The following SPAG16 variants were observed in gnomAD, a reference collection of about 807,000 sequenced individuals.
The protein encoded by SPAG16 is sperm associated antigen 16.
SPAG16 carries 86 observed loss-of-function variants against 80.4 expected under a neutral mutation model. That is an observed-to-expected ratio of 1.07 (90% CI 0.90 to 1.28). SPAG16 has a LOEUF of 1.28. Among genes scored for constraint, SPAG16 ranks in the 50% most tolerant of loss-of-function variants. The pLI, the probability that SPAG16 is intolerant of heterozygous loss-of-function variation, is 0.00. For synonymous variants in SPAG16, 294 were observed against 265.9 expected (o/e 1.11, Z -1.03); for missense variants, 870 against 765.3 (o/e 1.14, Z -1.61).
chr2:213,809,598 A>G (rs1205029706), intron 10 of SPAG16, among the ~76,000 whole-genome samples: 1 of 152,168 alleles, frequency 6.6e-6, no homozygotes, highest in Non-Finnish European at 1.5e-5. Context: ...AATTTTCCCA[A>G]TGAAAACAAG....
At chr2:213,989,778 T>C (rs2046190391) in intron 12 of SPAG16, among the ~76,000 whole-genome samples, 1 of 152,172 alleles carries the variant, frequency 6.6e-6, no homozygotes, top group Non-Finnish European at 1.5e-5. Flanking sequence ...ATCTTGATTA[T>C]ACATAAATAT....
intron 15 of SPAG16, among the ~76,000 whole-genome samples, chr2:214,152,653 A>C (rs1352314306): frequency 6.6e-6 from 1 of 152,094 alleles, no homozygotes; most frequent in Admixed American, 6.5e-5. Context: ...GACCACTACC[A>C]CCAATGCGCG....
intron 3 of SPAG16, among the ~76,000 whole-genome samples, chr2:213,298,293 AG>A (rs967604954): frequency 2.0e-5 from 3 of 152,226 alleles, no homozygotes; most frequent in Non-Finnish European, 2.9e-5. Flanking sequence ...TCTTCTTGGT[AG>A]ACACAAAGTG....
At chr2:214,160,800 A>G (rs1365978768) in intron 15 of SPAG16, among the ~76,000 whole-genome samples, 7 of 152,070 alleles carry the variant, frequency 4.6e-5, no homozygotes. Context: ...ATATATGCCT[A>G]TCAATTTAAT....
chr2:213,632,564 G>T (rs1041691706), intron 10 of SPAG16, among the ~76,000 whole-genome samples: 1 of 152,086 alleles, frequency 6.6e-6, no homozygotes, highest in Non-Finnish European at 1.5e-5. Flanking sequence ...TAGAGGAAAA[G>T]CTTTCAGTTT....
At chr2:213,644,913 C>A (rs562863335) in intron 10 of SPAG16, among the ~76,000 whole-genome samples, 94 of 152,300 alleles carry the variant, frequency 6.2e-4, no homozygotes, top group African/African-American at 2.3e-3. Context: ...GGGGGCAAAA[C>A]CAGCCAGGCC....
chr2:214,202,365 G>C (rs1331622050), intron 15 of SPAG16, among the ~76,000 whole-genome samples: 1 of 152,158 alleles, frequency 6.6e-6, no homozygotes, highest in Non-Finnish European at 1.5e-5. Context: ...TGAGCAACAT[G>C]GGAGGGTTGC....
chr2:214,190,175 G>T (rs573502664), intron 15 of SPAG16, among the ~76,000 whole-genome samples: 11 of 152,062 alleles, frequency 7.2e-5, no homozygotes, highest in African/African-American at 2.4e-4. Flanking sequence ...CACGTCTTTC[G>T]TCTGTGTCTG....
intron 12 of SPAG16, among the ~76,000 whole-genome samples, chr2:213,957,630 CTA>C (rs889167826): frequency 2.6e-5 from 4 of 152,044 alleles, no homozygotes; most frequent in African/African-American, 9.7e-5. Flanking sequence ...TGTTTTATTG[CTA>C]TTTCTTTTCC....
chr2:213,359,711 C>T (rs1177093914), intron 7 of SPAG16, among the ~76,000 whole-genome samples: 1 of 152,088 alleles, frequency 6.6e-6, no homozygotes, highest in African/African-American at 2.4e-5. Context: ...AAGGCAAATC[C>T]CCCAACCCCT....
At chr2:213,967,216 AT>A (rs1284770224) in intron 12 of SPAG16, among the ~76,000 whole-genome samples, 1 of 152,184 alleles carries the variant, frequency 6.6e-6, no homozygotes, top group Admixed American at 6.5e-5. Context: ...TCCTACCACT[AT>A]TTCACCTTAA....
intron 10 of SPAG16, among the ~76,000 whole-genome samples, chr2:213,751,993 A>C (rs1243434700): frequency 2.0e-5 from 3 of 152,218 alleles, no homozygotes; most frequent in African/African-American, 7.2e-5. Context: ...AAACCGAAAA[A>C]GTAAAGGTGA....
intron 10 of SPAG16, among the ~76,000 whole-genome samples, chr2:213,706,636 G>A (rs1271108128): frequency 6.6e-6 from 1 of 152,100 alleles, no homozygotes; most frequent in Non-Finnish European, 1.5e-5. Flanking sequence ...ATTGGATCAC[G>A]GCACTCCCTA....
intron 10 of SPAG16, among the ~76,000 whole-genome samples, chr2:213,855,059 A>T (rs1339792267): frequency 2.0e-5 from 3 of 152,226 alleles, no homozygotes; most frequent in Non-Finnish European, 2.9e-5. Flanking sequence ...TCTGCTTTAG[A>T]CCATGAGTGT....
chr2:213,705,049 G>A (rs1006720142), intron 10 of SPAG16, among the ~76,000 whole-genome samples: 8 of 152,128 alleles, frequency 5.3e-5, no homozygotes, highest in South Asian at 2.1e-4. Flanking sequence ...TCAGGAGATC[G>A]AGACCATCCT....
intron 10 of SPAG16, among the ~76,000 whole-genome samples, chr2:213,670,293 G>A (rs887819610): frequency 6.6e-6 from 1 of 152,130 alleles, no homozygotes; most frequent in Admixed American, 6.6e-5. Flanking sequence ...ACCGCGCCAG[G>A]CCAAGCATGT....
At chr2:213,546,463 G>C (rs925665566) in intron 10 of SPAG16, among the ~76,000 whole-genome samples, 1 of 152,040 alleles carries the variant, frequency 6.6e-6, no homozygotes, top group Non-Finnish European at 1.5e-5. Context: ...AACACAGAAA[G>C]AATTTCATAA....
At chr2:214,210,612 T>C (rs1190738939) in intron 15 of SPAG16, among the ~76,000 whole-genome samples, 2 of 152,130 alleles carry the variant, frequency 1.3e-5, no homozygotes, top group African/African-American at 4.8e-5. Context: ...AACATATTTA[T>C]GTAACTCTGA....
chr2:213,394,359 T>C (rs2067929339), intron 9 of SPAG16, among the ~76,000 whole-genome samples: 1 of 152,158 alleles, frequency 6.6e-6, no homozygotes, highest in Non-Finnish European at 1.5e-5. Flanking sequence ...CTCTGTAATT[T>C]CTTAAAACTA....
Sources: allele counts gnomAD v4.1 joint callset (sites outside exome capture counted in the v4.1 genomes callset), GRCh38; gene constraint gnomAD v4.1.1; transcripts MANE v1.5; gene names NCBI Gene and HGNC (gene_info 2026-07-23, HGNC 2026-07-21).